ANKS1B: variants seen among roughly 807,000 people sequenced by gnomAD.
The protein encoded by ANKS1B is ankyrin repeat and sterile alpha motif domain-containing protein 1B.
In ANKS1B, 36 loss-of-function variants were observed where a neutral mutation model predicts 148.3. That is an observed-to-expected ratio of 0.24 (90% CI 0.19 to 0.32). The LOEUF (loss-of-function observed/expected upper bound fraction) is 0.32, where lower values mean the gene tolerates loss of function less well. Ranked by LOEUF, ANKS1B falls within the 10% of genes least tolerant of loss-of-function variation. The pLI is 1.00. For missense variants in ANKS1B, 1,157 were observed against 1,542.6 expected (o/e 0.75, Z 4.19); for synonymous variants, 542 against 560.8 (o/e 0.97, Z 0.47).
chr12:99,493,008 A>G (rs2096569336), intron 10 of ANKS1B, among the ~76,000 whole-genome samples: 3 of 152,132 alleles, frequency 2.0e-5, no homozygotes, highest in Admixed American at 2.0e-4. Flanking sequence ...CACCACTCCT[A>G]TTTCACGTAG....
chr12:99,742,806 C>T (rs2060249311), intron 8 of ANKS1B, among the ~76,000 whole-genome samples: 1 of 146,320 alleles, frequency 6.8e-6, no homozygotes, highest in African/African-American at 2.6e-5. Flanking sequence ...CCACTGCCAT[C>T]CAGCCTGGGT....
At chr12:99,855,559 G>A (rs1429592741) in intron 1 of ANKS1B, among the ~76,000 whole-genome samples, 4 of 151,942 alleles carry the variant, frequency 2.6e-5, no homozygotes, top group Non-Finnish European at 4.4e-5. Context: ...TAAAACAAAC[G>A]GACTTAACAG....
chr12:99,687,818 C>G (rs2098658073), intron 8 of ANKS1B, among the ~76,000 whole-genome samples: 2 of 152,064 alleles, frequency 1.3e-5, no homozygotes, highest in African/African-American at 4.8e-5. Flanking sequence ...TCTGTTTCTA[C>G]TGATTTATTT....
At chr12:99,316,276 C>T (rs1265226137) in intron 12 of ANKS1B, among the ~76,000 whole-genome samples, 1 of 152,208 alleles carries the variant, frequency 6.6e-6, no homozygotes, top group Non-Finnish European at 1.5e-5. Context: ...AACTAGTTTA[C>T]AGTCCCACCA....
At chr12:98,842,083 TA>T (rs1413089231) in intron 17 of ANKS1B, among the ~76,000 whole-genome samples, 2 of 152,310 alleles carry the variant, frequency 1.3e-5, no homozygotes, top group Non-Finnish European at 2.9e-5. Flanking sequence ...AACTCCTAGC[TA>T]AAAATGAATA....
intron 11 of ANKS1B, among the ~76,000 whole-genome samples, chr12:99,421,537 AAAG>A (rs1022036133): frequency 1.3e-5 from 2 of 152,046 alleles, no homozygotes; most frequent in African/African-American, 4.8e-5. Flanking sequence ...GAAGGGGGAA[AAAG>A]AAGAGAAGAT....
chr12:98,998,440 ATGAC>A, intron 17 of ANKS1B, among the ~76,000 whole-genome samples: 1 of 152,344 alleles, frequency 6.6e-6, no homozygotes, highest in East Asian at 1.9e-4. Context: ...AATGAAACCA[ATGAC>A]TGAGCATTTT....
chr12:99,092,965 G>A (rs1350021680), intron 15 of ANKS1B, among the ~76,000 whole-genome samples: 3 of 152,138 alleles, frequency 2.0e-5, no homozygotes, highest in Non-Finnish European at 2.9e-5. Flanking sequence ...CACAAGATAA[G>A]TATAGGATGG....
chr12:99,803,552 AT>A (rs1392950262), intron 4 of ANKS1B, among the ~76,000 whole-genome samples: 1 of 152,160 alleles, frequency 6.6e-6, no homozygotes, highest in African/African-American at 2.4e-5. Flanking sequence ...TGATCTAAGC[AT>A]ATTGTCTGCC....
intron 17 of ANKS1B, among the ~76,000 whole-genome samples, chr12:98,923,924 C>T (rs1159973077): frequency 1.3e-5 from 2 of 152,182 alleles, no homozygotes; most frequent in African/African-American, 2.4e-5. Context: ...TGGAGGGACA[C>T]CAAAGAAGTG....
chr12:99,552,086 C>A (rs2097224717), intron 9 of ANKS1B, among the ~76,000 whole-genome samples: 1 of 152,010 alleles, frequency 6.6e-6, no homozygotes, highest in Non-Finnish European at 1.5e-5. Context: ...CCTAGTGCTC[C>A]TTTAGGACTC....
chr12:99,405,325 A>T (rs147490000), intron 11 of ANKS1B, among the ~76,000 whole-genome samples: 8 of 144,966 alleles, frequency 5.5e-5, no homozygotes, highest in South Asian at 2.1e-4. Context: ...AACAAGTATG[A>T]AAACTTTTCA....
intron 8 of ANKS1B, among the ~76,000 whole-genome samples, chr12:99,665,985 T>C (rs991679463): frequency 1.2e-4 from 19 of 152,216 alleles, no homozygotes; most frequent in Non-Finnish European, 2.5e-4. Context: ...TTAATTTTCA[T>C]GTACAGCATG....
At chr12:98,917,361 CG>C (rs1190618917) in intron 17 of ANKS1B, among the ~76,000 whole-genome samples, 4 of 152,150 alleles carry the variant, frequency 2.6e-5, no homozygotes, top group Non-Finnish European at 4.4e-5. Context: ...CAGGAAATGT[CG>C]GGGCCCATCC....
At chr12:99,649,186 G>T (rs1030986198) in intron 9 of ANKS1B, 2 of 912,416 alleles carry the variant, frequency 2.2e-6, no homozygotes, top group Non-Finnish European at 3.6e-6. Flanking sequence ...AACACAACAT[G>T]TTTGTGTACT....
chr12:99,811,342 A>T (rs1371057943), intron 3 of ANKS1B, among the ~76,000 whole-genome samples: 3 of 151,894 alleles, frequency 2.0e-5, no homozygotes, highest in African/African-American at 7.2e-5. Context: ...GCCAACCTGC[A>T]GCTTAATGCC....
chr12:98,831,612 T>C (rs2099316388), intron 18 of ANKS1B: 1 of 156,874 alleles, frequency 6.4e-6, no homozygotes, highest in Non-Finnish European at 1.4e-5. Context: ...GAAAAACAAA[T>C]CTTGTTGTTT....
intron 11 of ANKS1B, among the ~76,000 whole-genome samples, chr12:99,410,049 A>T (rs1432864807): frequency 3.3e-5 from 5 of 152,250 alleles, no homozygotes; most frequent in Non-Finnish European, 7.3e-5. Flanking sequence ...AGCAAACTAC[A>T]TCTTATGTGC....
chr12:99,478,635 T>C (rs887170703), intron 10 of ANKS1B, among the ~76,000 whole-genome samples: 1 of 152,026 alleles, frequency 6.6e-6, no homozygotes, highest in Non-Finnish European at 1.5e-5. Flanking sequence ...GTGAGAAAGA[T>C]TTGAAATGTA....
Sources: gnomAD v4.1 joint callset for allele counts (sites outside exome capture counted in the v4.1 genomes callset) on GRCh38, gnomAD v4.1.1 for gene constraint, MANE v1.5 for transcripts, NCBI Gene and HGNC (gene_info 2026-07-23, HGNC 2026-07-21) for gene names.